EYS: variants seen among roughly 807,000 people sequenced by gnomAD.
The protein encoded by EYS is EGF-like photoreceptor maintenance factor.
EYS carries 250 observed loss-of-function variants against 282.1 expected under a neutral mutation model. The observed-to-expected ratio is 0.89, with a 90% CI of 0.80 to 0.98. The LOEUF is 0.98. Among genes scored for constraint, EYS ranks in the 50% least tolerant of loss-of-function variants. The pLI is 0.00. For missense variants in EYS, 4,016 were observed against 3,709.0 expected, an observed-to-expected ratio of 1.08 and a Z score of -2.15; for synonymous variants, 1,355 against 1,282.9, an observed-to-expected ratio of 1.06 and a Z score of -1.20.
At chr6:64,359,270 A>C (rs142594770) in intron 29 of EYS, among the ~76,000 whole-genome samples, 10 of 151,872 alleles carry the variant, frequency 6.6e-5, no homozygotes, top group African/African-American at 1.9e-4. Flanking sequence ...AAATTGAAAG[A>C]AAAATTCTTA....
At chr6:64,455,209 C>T (rs1326825882) in intron 26 of EYS, among the ~76,000 whole-genome samples, 1 of 152,036 alleles carries the variant, frequency 6.6e-6, no homozygotes, top group African/African-American at 2.4e-5. Context: ...AGCCACCACA[C>T]CCAAACACGT....
chr6:65,032,820 G>C (rs548366188), intron 13 of EYS, among the ~76,000 whole-genome samples: 1 of 152,212 alleles, frequency 6.6e-6, no homozygotes, highest in African/African-American at 2.4e-5. Flanking sequence ...CTGTGCAATG[G>C]GCAGAAGCTG....
rs1164756026 is a variant in EYS at position 64,424,997 on chromosome 6, GA to G, written c.5927+11176del. Among the ~76,000 whole-genome samples, 11 of 152,208 alleles carry G rather than the reference GA, an allele frequency of 7.2e-5. 1 individual carries two copies. The South Asian group carries it at 1.9e-3, about 26-fold the overall frequency. ...ACGGAACCAATGTGGGAACAGAAGA[GA>G]AAAATACTGAAAACGACACATTATT... On this transcript the variant is annotated intron_variant, in intron 28 of 42. Coordinates refer to ENST00000503581, the MANE Select transcript of EYS (RefSeq NM_001142800.2).
At chr6:65,416,953 C>A (rs1277503848) in intron 5 of EYS, among the ~76,000 whole-genome samples, 4 of 151,904 alleles carry the variant, frequency 2.6e-5, no homozygotes, top group African/African-American at 2.4e-5. Context: ...AACTTGTTTA[C>A]CTATGTTTGA....
chr6:64,795,309 G>C (rs1774321186), intron 22 of EYS, among the ~76,000 whole-genome samples: 1 of 151,308 alleles, frequency 6.6e-6, no homozygotes, highest in South Asian at 2.1e-4. Context: ...CCTAGAAGTA[G>C]ATAAAGCAAG....
intron 11 of EYS, among the ~76,000 whole-genome samples, chr6:65,310,076 G>T (rs1769114422): frequency 6.6e-6 from 1 of 152,106 alleles, no homozygotes; most frequent in Non-Finnish European, 1.5e-5. Context: ...GGGCGTGGTG[G>T]CTCATGCCTG....
chr6:65,567,874 G>T (rs1470934708), intron 2 of EYS, among the ~76,000 whole-genome samples: 2 of 151,958 alleles, frequency 1.3e-5, no homozygotes, highest in Non-Finnish European at 2.9e-5. Context: ...TAATTAGCTT[G>T]CTAATGTTGT....
chr6:64,331,937 C>T (rs1321143528), intron 29 of EYS, among the ~76,000 whole-genome samples: 1 of 152,150 alleles, frequency 6.6e-6, no homozygotes, highest in Non-Finnish European at 1.5e-5. Flanking sequence ...CAGGAAGTAA[C>T]CAAGATCTTA....
intron 11 of EYS, among the ~76,000 whole-genome samples, chr6:65,333,991 T>TAC (rs1237551855): frequency 4.0e-5 from 6 of 149,506 alleles, no homozygotes; most frequent in African/African-American, 7.4e-5. Context: ...TATATATATA[T>TAC]ACACACACGT....
intron 12 of EYS, among the ~76,000 whole-genome samples, chr6:65,146,450 T>A (rs1351615950): frequency 2.0e-5 from 3 of 151,960 alleles, no homozygotes; most frequent in Non-Finnish European, 4.4e-5. Context: ...AATATTCTCA[T>A]CATGGTTTCC....
In EYS at chr6:65,228,710, C is replaced by T. The variant is rs576670347; in HGVS notation, c.2023+67153G>A. ...TTTTATAAATCATGTGAAAATGCTA[C>T]GAAAAAAATAGTAATACAATTGGAG... On this transcript the variant is annotated intron_variant, in intron 12 of 42. Transcript: ENST00000503581. 3.3e-5 allele frequency among the ~76,000 whole-genome samples: 5 copies of T among 151,914 alleles called. No individual in the cohort carries two copies. In the South Asian group the frequency reaches 8.3e-4, roughly 25 times the overall value.
At chr6:64,035,247 G>A (rs1055373553) in intron 33 of EYS, among the ~76,000 whole-genome samples, 8 of 152,108 alleles carry the variant, frequency 5.3e-5, no homozygotes, top group Admixed American at 3.3e-4. Context: ...TAGGATTATG[G>A]TTAATTTGTG....
intron 21 of EYS, among the ~76,000 whole-genome samples, chr6:64,816,362 C>A (rs1416077846): frequency 6.6e-6 from 1 of 152,032 alleles, no homozygotes; most frequent in Non-Finnish European, 1.5e-5. Flanking sequence ...CAGGATTGGG[C>A]AATCCAAAAG....
In EYS at chr6:65,639,782, A is replaced by G. The variant is rs145321084; in HGVS notation, c.-337T>C. The G allele has an allele frequency of 6.6e-6, 1 of 152,208 alleles. No homozygotes were observed. Among genetic ancestry groups the G allele is most frequent in the Non-Finnish European group, 1.5e-5 (1 of 68,034 alleles). 9.4% of individuals were successfully genotyped at this position (152,208 alleles called of 1,614,324 possible). On this transcript the variant is annotated 5_prime_UTR_variant, in exon 2 of 43. Coordinates refer to ENST00000503581, the MANE Select transcript of EYS (RefSeq NM_001142800.2). ...CCTCAGGACTCTTATCCTTACCTCAAGTACACAGGTTCCGTTGCTGTTTGA... is the reference window on the plus strand; with the variant it reads ...CCTCAGGACTCTTATCCTTACCTCAGGTACACAGGTTCCGTTGCTGTTTGA...
chr6:64,772,675 GT>G (rs1371940238), intron 22 of EYS, among the ~76,000 whole-genome samples: 3 of 151,664 alleles, frequency 2.0e-5, no homozygotes, highest in African/African-American at 7.3e-5. Context: ...ACCCTTCCTA[GT>G]CTTTGGCAAT....
At chr6:63,728,057 G>C (rs1234459569) in intron 41 of EYS, among the ~76,000 whole-genome samples, 2 of 151,852 alleles carry the variant, frequency 1.3e-5, no homozygotes, top group Non-Finnish European at 2.9e-5. Flanking sequence ...GAACACAAGG[G>C]TGATTTAAAA....
chr6:65,290,943 A>C (rs1768508268), intron 12 of EYS, among the ~76,000 whole-genome samples: 1 of 151,454 alleles, frequency 6.6e-6, no homozygotes. Flanking sequence ...GAAGAAAAAA[A>C]ATGGGTGTTT....
chr6:63,937,467 G>A (rs558159863), intron 35 of EYS, among the ~76,000 whole-genome samples: 3 of 136,262 alleles, frequency 2.2e-5, no homozygotes, highest in Non-Finnish European at 3.1e-5. Flanking sequence ...TACAATCTCC[G>A]CCTCCCGGGT....
intron 12 of EYS, among the ~76,000 whole-genome samples, chr6:65,141,163 CA>C (rs1418037835): frequency 1.3e-5 from 2 of 151,786 alleles, no homozygotes; most frequent in African/African-American, 4.8e-5. Context: ...TATGCAGCCA[CA>C]AAAAATGATG....
Sources: gnomAD v4.1 joint callset for allele counts (sites outside exome capture counted in the v4.1 genomes callset) on GRCh38, gnomAD v4.1.1 for gene constraint, MANE v1.5 for transcripts, NCBI Gene and HGNC (gene_info 2026-07-23, HGNC 2026-07-21) for gene names.